The following PCDH15 variants were observed in gnomAD, a reference collection of about 807,000 sequenced individuals.
PCDH15 encodes protocadherin related 15.
A neutral mutation model predicts 178.5 loss-of-function variants in PCDH15; 129 were observed. The observed-to-expected ratio is 0.72, with a 90% CI of 0.63 to 0.84. PCDH15 has a LOEUF of 0.84. Among genes scored for constraint, PCDH15 ranks in the 40% least tolerant of loss-of-function variants. The probability of loss-of-function intolerance (pLI) is 0.00; values close to 1 mark genes in which losing one functional copy is unlikely to be tolerated. For missense variants in PCDH15, 2,230 were observed against 2,099.9 expected, an observed-to-expected ratio of 1.06 and a Z score of -1.21; for synonymous variants, 800 against 732.0, an observed-to-expected ratio of 1.09 and a Z score of -1.50.
chr10:54,871,402 G>A (rs1232107717), intron 3 of PCDH15, among the ~76,000 whole-genome samples: 1 of 149,530 alleles, frequency 6.7e-6, no homozygotes, highest in Non-Finnish European at 1.5e-5. Context: ...AAAAAAATGT[G>A]GTCTAGTACA....
At chr10:54,102,638 T>C (rs895708185) in intron 15 of PCDH15, among the ~76,000 whole-genome samples, 40 of 152,312 alleles carry the variant, frequency 2.6e-4, no homozygotes, top group African/African-American at 9.6e-4. Context: ...TGATTTACTA[T>C]TTTTCTAGGT....
chr10:54,675,308 G>A (rs910029804), intron 1 of PCDH15, among the ~76,000 whole-genome samples: 2 of 151,770 alleles, frequency 1.3e-5, no homozygotes, highest in Admixed American at 1.3e-4. Context: ...CCTTGGGGAT[G>A]GGGATTATTT....
chr10:55,012,349 A>C (rs1011417146), intron 2 of PCDH15, among the ~76,000 whole-genome samples: 3 of 152,138 alleles, frequency 2.0e-5, no homozygotes, highest in Non-Finnish European at 4.4e-5. Context: ...TTTGGTTATA[A>C]CAATTTAAAA....
At chr10:54,847,042 C>T (rs944638663) in intron 3 of PCDH15, among the ~76,000 whole-genome samples, 5 of 152,088 alleles carry the variant, frequency 3.3e-5, no homozygotes, top group Admixed American at 3.3e-4. Flanking sequence ...GAATTCTTGG[C>T]CTCAGCTTCA....
chr10:54,912,864 A>G (rs59045976), intron 2 of PCDH15, among the ~76,000 whole-genome samples: 11,202 of 152,162 alleles, frequency 0.074, 1,356 homozygotes, highest in African/African-American at 0.25. Context: ...GGGGGTCTCA[A>G]ATGTAAATGA....
Position 54,287,810 on chromosome 10 carries a change from T to G in PCDH15, c.876+29461A>C, listed in dbSNP as rs193101212. Among the ~76,000 whole-genome samples the G allele has an allele frequency of 3.9e-5, 6 of 152,290 alleles. No homozygotes were observed. The East Asian group carries it at 1.2e-3, about 29-fold the overall frequency. ...TGCCAAATGAATAGACAGTTGGGAT[T>G]CAATTCTATTTAAGATAATCGAAGT... On this transcript the variant is annotated intron_variant, in intron 8 of 37. Transcript: ENST00000644397.
intron 9 of PCDH15, among the ~76,000 whole-genome samples, chr10:54,219,274 CAAA>C (rs995053736): frequency 1.1e-4 from 5 of 45,174 alleles, no homozygotes; most frequent in Non-Finnish European, 1.7e-4. Flanking sequence ...GACTTTGTCT[CAAA>C]AAAAAAAAAA....
At chr10:54,512,707 A>T (rs2081828439) in intron 3 of PCDH15, among the ~76,000 whole-genome samples, 1 of 152,152 alleles carries the variant, frequency 6.6e-6, no homozygotes, top group African/African-American at 2.4e-5. Context: ...GTTATTTTTT[A>T]AAATTACTAA....
chr10:55,372,786 T>C lies in PCDH15; in HGVS notation c.-155-206135A>G, dbSNP rs977900750. Among the ~76,000 whole-genome samples the C allele has an allele frequency of 3.9e-5, 6 of 152,124 alleles. No homozygotes were observed. In the East Asian group the frequency reaches 5.8e-4, roughly 15 times the overall value. On this transcript the variant is annotated intron_variant, in intron 2 of 5. Transcript: ENST00000613346. Reference sequence around the variant, plus strand: ...TCTGACACATCATTTCTGTAATACATAGTCTTCTCCCAAGACTTTGAGAGT... The same window carrying C: ...TCTGACACATCATTTCTGTAATACACAGTCTTCTCCCAAGACTTTGAGAGT...
intron 2 of PCDH15, among the ~76,000 whole-genome samples, chr10:55,401,600 G>C (rs1035310496): frequency 2.0e-4 from 30 of 146,920 alleles, no homozygotes; most frequent in East Asian, 1.6e-3. Context: ...CTTACTGTGT[G>C]TGTGTGTGTG....
intron 2 of PCDH15, among the ~76,000 whole-genome samples, chr10:54,629,077 C>T (rs2093633286): frequency 6.6e-6 from 1 of 151,958 alleles, no homozygotes; most frequent in African/African-American, 2.4e-5. Context: ...TGCTAAATTT[C>T]TGAATAATGT....
chr10:54,537,256 C>T (rs962461429), intron 2 of PCDH15, among the ~76,000 whole-genome samples: 1 of 152,110 alleles, frequency 6.6e-6, no homozygotes, highest in Admixed American at 6.6e-5. Context: ...GCCTCGGCCT[C>T]CCAAAATGCT....
At chr10:54,362,784 G>A (rs1946246344) in intron 5 of PCDH15, among the ~76,000 whole-genome samples, 1 of 152,146 alleles carries the variant, frequency 6.6e-6, no homozygotes, top group Non-Finnish European at 1.5e-5. Context: ...CAAGTGGCAT[G>A]ACAGTCATAT....
rs539989982 is a variant in PCDH15 at position 54,599,855 on chromosome 10, C to T, written c.91+64317G>A. ...GAGCAGAAAGAAGGAGAAACAGAGG[C>T]TGAAGGTGAAGTAGAGGAAGCCAAA... On this transcript the variant is annotated intron_variant, in intron 2 of 37. Coordinates refer to ENST00000644397, the MANE Select transcript of PCDH15 (RefSeq NM_001384140.1). The T allele has an allele frequency of 1.7e-5, 11 of 648,000 alleles. No individual in the cohort carries two copies. In the South Asian group the frequency reaches 1.7e-4, roughly 10 times the overall value. The allele number at this position is 648,000 out of a possible 1,614,324, so 40.1% of individuals were successfully genotyped here. A position where few individuals can be genotyped will look rare whatever the true frequency, so the allele number is the denominator to read the frequency against.
intron 2 of PCDH15, among the ~76,000 whole-genome samples, chr10:54,649,217 A>G (rs2135152656): frequency 6.6e-6 from 1 of 152,342 alleles, no homozygotes; most frequent in African/African-American, 2.4e-5. Context: ...AAATACCTGA[A>G]GAAAGCATGA....
intron 8 of PCDH15, among the ~76,000 whole-genome samples, chr10:54,257,054 TAG>T (rs2056951211): frequency 3.2e-5 from 3 of 95,092 alleles, no homozygotes; most frequent in African/African-American, 1.5e-4. Context: ...ATAGATTAGA[TAG>T]ATAGATAGAT....
At chr10:53,824,005 C>G (rs185401284) in intron 32 of PCDH15, among the ~76,000 whole-genome samples, 1 of 151,866 alleles carries the variant, frequency 6.6e-6, no homozygotes, top group Non-Finnish European at 1.5e-5. Context: ...GTTTTAAAAC[C>G]TTATACATAA....
chr10:55,099,002 G>C (rs912336483), intron 2 of PCDH15, among the ~76,000 whole-genome samples: 3 of 151,118 alleles, frequency 2.0e-5, no homozygotes, highest in Non-Finnish European at 4.4e-5. Context: ...TGTGTGTTGC[G>C]TGTCCTTAAT....
chr10:55,574,103 C>T (rs561425547), intron 2 of PCDH15, among the ~76,000 whole-genome samples: 1 of 152,100 alleles, frequency 6.6e-6, no homozygotes, highest in East Asian at 1.9e-4. Flanking sequence ...CATTTTCACT[C>T]TAAGACCCAA....
Sources: allele counts gnomAD v4.1 joint callset (sites outside exome capture counted in the v4.1 genomes callset), GRCh38; gene constraint gnomAD v4.1.1; transcripts MANE v1.5; gene names NCBI Gene and HGNC (gene_info 2026-07-23, HGNC 2026-07-21).